ATL2: variants seen among roughly 807,000 people sequenced by gnomAD.
The protein encoded by ATL2 is atlastin GTPase 2.
ATL2 carries 31 observed loss-of-function variants against 73.9 expected under a neutral mutation model. That is an observed-to-expected ratio of 0.42 (90% CI 0.32 to 0.57). The LOEUF is 0.57. Among genes scored for constraint, ATL2 ranks in the 20% least tolerant of loss-of-function variants. ATL2 has a pLI of 0.14. For synonymous variants in ATL2, 291 were observed against 237.5 expected (o/e 1.23, Z -2.07); for missense variants, 738 against 702.6 (o/e 1.05, Z -0.57).
intron 7 of ATL2, among the ~76,000 whole-genome samples, chr2:38,312,829 C>T (rs1467317830): frequency 6.6e-6 from 1 of 152,078 alleles, no homozygotes; most frequent in Admixed American, 6.6e-5. Context: ...GTCAATTAAA[C>T]CTCTTTTCTT....
chr2:38,308,315 T>C (rs1454224553), intron 9 of ATL2, among the ~76,000 whole-genome samples: 1 of 152,170 alleles, frequency 6.6e-6, no homozygotes, highest in African/African-American at 2.4e-5. Flanking sequence ...ATGGTGGAAC[T>C]GGAGGACTTT....
chr2:38,365,174 C>CAA (rs1227110760), intron 1 of ATL2, among the ~76,000 whole-genome samples: 76 of 137,900 alleles, frequency 5.5e-4, no homozygotes, highest in African/African-American at 2.4e-3. Flanking sequence ...CAAATACACA[C>CAA]ACACACACAC....
intron 7 of ATL2, among the ~76,000 whole-genome samples, chr2:38,312,704 C>CT (rs1389207027): frequency 5.9e-5 from 6 of 102,080 alleles, no homozygotes; most frequent in East Asian, 4.7e-4. Flanking sequence ...GTGAGACTGT[C>CT]TTAAAAAAAA....
chr2:38,341,742 G>A (rs534932427), intron 2 of ATL2, among the ~76,000 whole-genome samples: 1 of 152,202 alleles, frequency 6.6e-6, no homozygotes, highest in African/African-American at 2.4e-5. Context: ...CTATGCTATT[G>A]ATACTCAGGT....
At chr2:38,306,906 T>C (rs1667476521) in intron 9 of ATL2, among the ~76,000 whole-genome samples, 1 of 152,166 alleles carries the variant, frequency 6.6e-6, no homozygotes, top group South Asian at 2.1e-4. Context: ...AGTACAAACT[T>C]TGAGAAAATG....
At chr2:38,326,342 C>A (rs181792720) in intron 2 of ATL2, among the ~76,000 whole-genome samples, 2 of 152,292 alleles carry the variant, frequency 1.3e-5, no homozygotes, top group African/African-American at 2.4e-5. Context: ...TAACATATAA[C>A]CTCATAATAG....
chr2:38,326,812 A>AC (rs1265676096), intron 2 of ATL2, among the ~76,000 whole-genome samples: 1 of 151,862 alleles, frequency 6.6e-6, no homozygotes, highest in Non-Finnish European at 1.5e-5. Context: ...ATACGGCAAA[A>AC]CCCCATCTAT....
chr2:38,342,383 A>G (rs1384434475), intron 2 of ATL2, among the ~76,000 whole-genome samples: 1 of 152,218 alleles, frequency 6.6e-6, no homozygotes, highest in East Asian at 1.9e-4. Flanking sequence ...TGAGTTAGGA[A>G]GAGGATGTAA....
rs2148418939 is a variant in ATL2, at chr2:38,309,427, C to G, written c.1023G>C (p.Glu341Asp). Residue 341 changes from glutamate to aspartate, a missense_variant, in exon 9 of 13, where the codon GAG (glutamate) becomes GAC (aspartate). By Grantham distance (45) the Glu-to-Asp change is conservative (BLOSUM62 2). Transcript: ENST00000378954. ...TACAAGTGACTTTAGATCCACTTAT[C>G]TCTTTTTCTACCAAATTTTCAGGGG... ...LLAPENLVEK[E>D]ISGSKVTCRD... 1 of 1,612,414 alleles carries G rather than the reference C, an allele frequency of 6.2e-7. No individual in the cohort carries two copies. Among genetic ancestry groups the G allele is most frequent in the African/African-American group, 1.3e-5 (1 of 75,010 alleles).
At chr2:38,324,789 A>G (rs1377382392) in intron 2 of ATL2, among the ~76,000 whole-genome samples, 1 of 152,244 alleles carries the variant, frequency 6.6e-6, no homozygotes, top group African/African-American at 2.4e-5. Context: ...GCCACACACA[A>G]AAGGACAAAT....
chr2:38,323,405 A>T (rs963091717), intron 2 of ATL2, among the ~76,000 whole-genome samples: 1 of 109,502 alleles, frequency 9.1e-6, no homozygotes, highest in Non-Finnish European at 1.7e-5. Flanking sequence ...TATGTTGCCC[A>T]GGCCGGTCTT....
intron 2 of ATL2, among the ~76,000 whole-genome samples, chr2:38,336,119 G>A (rs531984953): frequency 1.3e-5 from 2 of 152,182 alleles, no homozygotes; most frequent in Non-Finnish European, 2.9e-5. Flanking sequence ...TCTTGAGAAA[G>A]AACATAAGAC....
At chr2:38,316,068 T>A (rs1258702584) in intron 4 of ATL2, among the ~76,000 whole-genome samples, 2 of 152,206 alleles carry the variant, frequency 1.3e-5, no homozygotes, top group Non-Finnish European at 2.9e-5. Context: ...AGGAGAAAAG[T>A]GGCCATCAAC....
At chr2:38,365,866 G>C (rs186666611) in intron 1 of ATL2, among the ~76,000 whole-genome samples, 31 of 152,136 alleles carry the variant, frequency 2.0e-4, no homozygotes, top group African/African-American at 7.0e-4. Flanking sequence ...AGAATGGTTT[G>C]AATCTGGGAA....
At chr2:38,296,599 T>C (rs773741290) in intron 12 of ATL2, 110 of 1,613,186 alleles carry the variant, frequency 6.8e-5, no homozygotes, top group Non-Finnish European at 8.6e-5. Context: ...ACCTAAAACA[T>C]GAAGTGATTT....
At chr2:38,377,381 C>T (rs369607493), upstream of ATL2, 35 of 725,620 alleles carry the variant, frequency 4.8e-5, no homozygotes, top group African/African-American at 4.4e-4. Context: ...TGTATCTCCT[C>T]GCCCTCCGCC....
At chr2:38,312,269 G>A (rs556431202) in intron 7 of ATL2, among the ~76,000 whole-genome samples, 43 of 152,194 alleles carry the variant, frequency 2.8e-4, no homozygotes, top group African/African-American at 9.4e-4. Context: ...CCCATGTGTC[G>A]GGGGAGGGGC....
In ATL2 at chr2:38,346,126, T is replaced by C. The variant is rs114346205; in HGVS notation, c.119-2614A>G. Among the ~76,000 whole-genome samples, 1,317 of 152,330 alleles carry C rather than the reference T, an allele frequency of 8.6e-3. 15 individuals are homozygous for C. The highest frequency in any genetic ancestry group is 0.03 in the African/African-American group (1,228 of 41,566). ...AGACTTGCTGGCTGTCCTTGACATA[T>C]AGAGATACGTCTACGTGTCTTTTAC... On this transcript the variant is annotated intron_variant, in intron 1 of 12. Transcript: ENST00000378954.
At position 38,318,994 on chromosome 2, in the gene ATL2, T is replaced by C; in HGVS notation, c.389A>G (p.Asn130Ser). 6.2e-7 allele frequency: 1 copy of C among 1,613,660 alleles called. No homozygotes were observed. The highest frequency in any genetic ancestry group is 2.2e-5 in the East Asian group (1 of 44,864). Residue 130 changes from asparagine to serine, a missense_variant, in exon 3 of 13, where the codon AAC becomes AGC. Coordinates refer to ENST00000378954, the MANE Select transcript of ATL2 (RefSeq NM_001135673.4). ...NKDSQSWIGGNNEPLTGFTWR... is the reference protein window; with the variant it reads ...NKDSQSWIGGSNEPLTGFTWR... Reference sequence around the variant, plus strand: ...TGTAAAGCCTGTCAATGGTTCATTGTTTCCACCAATCCAACTTTGAGAATC... The same window carrying C: ...TGTAAAGCCTGTCAATGGTTCATTGCTTCCACCAATCCAACTTTGAGAATC...
Sources: gnomAD v4.1 joint callset for allele counts (sites outside exome capture counted in the v4.1 genomes callset) on GRCh38, gnomAD v4.1.1 for gene constraint, MANE v1.5 for transcripts, NCBI Gene and HGNC (gene_info 2026-07-23, HGNC 2026-07-21) for gene names.